Variants in NLGN1 observed in about 807,000 individuals in gnomAD.
NLGN1 encodes the protein neuroligin 1.
NLGN1 carries 12 observed loss-of-function variants against 65.5 expected under a neutral mutation model. The observed-to-expected ratio is 0.18, with a 90% CI of 0.12 to 0.30. NLGN1 has a LOEUF of 0.30. Ranked by LOEUF, NLGN1 falls within the 10% of genes least tolerant of loss-of-function variation. NLGN1 has a pLI of 1.00. For synonymous variants in NLGN1, 350 were observed against 359.5 expected (o/e 0.97, Z 0.30); for missense variants, 750 against 1,007.1 (o/e 0.74, Z 3.46).
At chr3:173,406,549 G>T (rs1019324955) in intron 1 of NLGN1, among the ~76,000 whole-genome samples, 16 of 147,020 alleles carry the variant, frequency 1.1e-4, no homozygotes, top group African/African-American at 2.7e-4. Flanking sequence ...CAATATATAT[G>T]AATATATATT....
At chr3:173,793,034 T>G (rs563338025) in intron 3 of NLGN1, among the ~76,000 whole-genome samples, 25 of 152,310 alleles carry the variant, frequency 1.6e-4, no homozygotes, top group Non-Finnish European at 3.1e-4. Flanking sequence ...CTTAGAGTGC[T>G]TGCAATTTTA....
intron 4 of NLGN1, among the ~76,000 whole-genome samples, chr3:173,927,133 G>T (rs564206890): frequency 6.6e-6 from 1 of 151,760 alleles, no homozygotes; most frequent in African/African-American, 2.4e-5. Context: ...GCATGATCTC[G>T]GCTCACTGCA....
intron 2 of NLGN1, among the ~76,000 whole-genome samples, chr3:173,490,161 A>G (rs1047977032): frequency 2.0e-5 from 3 of 152,184 alleles, no homozygotes; most frequent in African/African-American, 4.8e-5. Flanking sequence ...GTCCTTGCCC[A>G]TGCCTATGTC....
At position 173,639,330 on chromosome 3, in the gene NLGN1, G is replaced by A. The variant is rs536768503; in HGVS notation, c.493+34239G>A. 3.9e-5 allele frequency among the ~76,000 whole-genome samples: 6 copies of A among 152,178 alleles called. No individual in the cohort carries two copies. The South Asian group carries it at 1.2e-3, about 31-fold the overall frequency. On this transcript the variant is annotated intron_variant, in intron 3 of 6. Transcript: ENST00000457714. ...TCAACGAGACAGGTGGCTAATTTGG[G>A]TCAATCAGTGGACTGAAGGGGACAG...
chr3:173,902,584 ACCAG>A (rs1737570911), intron 4 of NLGN1, among the ~76,000 whole-genome samples: 1 of 152,026 alleles, frequency 6.6e-6, no homozygotes, highest in Non-Finnish European at 1.5e-5. Context: ...GGCTACTCAA[ACCAG>A]TTTTTAAGTT....
At chr3:173,544,767 A>G (rs1739486928) in intron 2 of NLGN1, among the ~76,000 whole-genome samples, 1 of 152,144 alleles carries the variant, frequency 6.6e-6, no homozygotes, top group Non-Finnish European at 1.5e-5. Context: ...TGTTATAATC[A>G]AGAAAGAGAC....
chr3:173,966,368 T>C (rs1714865075), intron 4 of NLGN1, among the ~76,000 whole-genome samples: 3 of 152,224 alleles, frequency 2.0e-5, no homozygotes, highest in African/African-American at 7.2e-5. Context: ...TGATTTGAAA[T>C]ACTATTGTGA....
intron 2 of NLGN1, among the ~76,000 whole-genome samples, chr3:173,537,480 C>T (rs1467846509): frequency 7.9e-6 from 1 of 126,192 alleles, no homozygotes; most frequent in Non-Finnish European, 1.6e-5. Context: ...AAGGTATTTG[C>T]TTAGTGTGTG....
At chr3:173,756,121 G>A (rs1312482348) in intron 3 of NLGN1, among the ~76,000 whole-genome samples, 1 of 103,752 alleles carries the variant, frequency 9.6e-6, no homozygotes, top group East Asian at 4.4e-4. Context: ...CTACATTAAT[G>A]TTTTGGGATT....
intron 1 of NLGN1, among the ~76,000 whole-genome samples, chr3:173,415,146 C>A (rs1037698451): frequency 1.3e-5 from 2 of 152,178 alleles, no homozygotes; most frequent in Non-Finnish European, 2.9e-5. Flanking sequence ...AGGGTGATTT[C>A]AAATAGTTAG....
chr3:173,509,874 G>A (rs1244059043), intron 2 of NLGN1, among the ~76,000 whole-genome samples: 1 of 152,018 alleles, frequency 6.6e-6, no homozygotes, highest in Non-Finnish European at 1.5e-5. Context: ...TGATTGTTTT[G>A]ATATCTTTTG....
In NLGN1 at chr3:173,646,197, C is replaced by CA. The variant is rs984849398; in HGVS notation, c.493+41116dup. On this transcript the variant is annotated intron_variant, in intron 3 of 6. Transcript: ENST00000457714. ...TTTTAAATGACAATAATACCCCCTC[C>CA]AAAAAAAAAATTATCAATGTGGAAT... Among the ~76,000 whole-genome samples the CA allele has an allele frequency of 6.0e-4, 89 of 148,646 alleles. 1 individual carries two copies. Among genetic ancestry groups the CA allele is most frequent in the African/African-American group, 8.6e-4 (35 of 40,598 alleles).
intron 3 of NLGN1, among the ~76,000 whole-genome samples, chr3:173,798,385 A>C (rs1425848229): frequency 6.6e-6 from 1 of 152,138 alleles, no homozygotes; most frequent in Non-Finnish European, 1.5e-5. Flanking sequence ...AAAGCTTGAA[A>C]ATATAATTTT....
At chr3:173,961,667 G>A (rs1269125371) in intron 4 of NLGN1, among the ~76,000 whole-genome samples, 5 of 151,998 alleles carry the variant, frequency 3.3e-5, no homozygotes, top group Non-Finnish European at 5.9e-5. Context: ...AGAAGACTCA[G>A]GGTACCTCAA....
chr3:173,762,103 C>T (rs1171892560), intron 3 of NLGN1, among the ~76,000 whole-genome samples: 1 of 151,938 alleles, frequency 6.6e-6, no homozygotes, highest in Non-Finnish European at 1.5e-5. Flanking sequence ...TTAGTTCTTC[C>T]AGGACAGGAA....
At chr3:174,166,485 T>A (rs77644404) in intron 4 of NLGN1, among the ~76,000 whole-genome samples, 1,552 of 152,184 alleles carry the variant, frequency 0.01, 36 homozygotes, top group African/African-American at 0.035. Flanking sequence ...TATAATGGTA[T>A]GGTTTTGAGA....
Position 173,889,404 on chromosome 3 carries a change from A to G in NLGN1, c.646+81572A>G, listed in dbSNP as rs6789246. ...CAGCTACCTTCCACTGTTTTACTAC[A>G]AACAGTGACAAAGAGAGCAAAAAAG... On this transcript the variant is annotated intron_variant, in intron 4 of 6. Transcript: ENST00000457714. Among the ~76,000 whole-genome samples the G allele has an allele frequency of 5.6e-3, 849 of 152,186 alleles. 3 individuals carry two copies. Among genetic ancestry groups the G allele is most frequent in the Non-Finnish European group, 7.9e-3 (535 of 67,988 alleles).
intron 4 of NLGN1, among the ~76,000 whole-genome samples, chr3:174,140,620 G>A (rs1722108958): frequency 6.6e-6 from 1 of 152,068 alleles, no homozygotes; most frequent in Non-Finnish European, 1.5e-5. Context: ...ATATGGTTCA[G>A]CAATGGGCTT....
At chr3:173,561,046 A>G (rs534351300) in intron 2 of NLGN1, among the ~76,000 whole-genome samples, 1 of 152,314 alleles carries the variant, frequency 6.6e-6, no homozygotes, top group South Asian at 2.1e-4. Context: ...TCTTAGTCTT[A>G]TATTAAAGAG....
Sources: allele counts gnomAD v4.1 joint callset (sites outside exome capture counted in the v4.1 genomes callset), GRCh38; gene constraint gnomAD v4.1.1; transcripts MANE v1.5; gene names NCBI Gene and HGNC (gene_info 2026-07-23, HGNC 2026-07-21).